The following DFFB variants were observed in gnomAD, a reference collection of about 807,000 sequenced individuals.
The protein encoded by DFFB is DNA fragmentation factor 40 kDa subunit.
A neutral mutation model predicts 32.7 loss-of-function variants in DFFB; 29 were observed. The ratio of observed to expected loss-of-function variants is 0.89; its 90% confidence interval spans 0.66 to 1.21. DFFB has a LOEUF of 1.21. Ranked by LOEUF, DFFB falls within the 50% of genes most tolerant of loss-of-function variation. The probability of loss-of-function intolerance (pLI) is 0.00; values close to 1 mark genes in which losing one functional copy is unlikely to be tolerated. For missense variants in DFFB, 398 were observed against 440.6 expected (o/e 0.90, Z 0.87); for synonymous variants, 170 against 177.1 (o/e 0.96, Z 0.32).
intron 3 of DFFB, among the ~76,000 whole-genome samples, chr1:3,866,996 C>T (rs1176695354): frequency 1.3e-5 from 2 of 150,848 alleles, no homozygotes; most frequent in Admixed American, 6.6e-5. Context: ...CCCGGGTTCA[C>T]GCCATTCTCC....
At chr1:3,871,162 G>T (rs551989548) in intron 5 of DFFB, among the ~76,000 whole-genome samples, 1 of 152,246 alleles carries the variant, frequency 6.6e-6, no homozygotes, top group African/African-American at 2.4e-5. Context: ...CCCATGAGGT[G>T]GGGGTGCTGG....
rs77642227 is a variant in DFFB at position 3,860,083 on chromosome 1, T to A, written c.241+1239T>A. ...TCCTCCTTGTTAGACTTAAAAAAAA[T>A]TTTTTTTCTTTTCTTTTATGAAAAC... On this transcript the variant is annotated intron_variant, in intron 2 of 6. Coordinates refer to ENST00000378209, the MANE Select transcript of DFFB (RefSeq NM_004402.4). 4.6e-3 allele frequency among the ~76,000 whole-genome samples: 693 copies of A among 152,190 alleles called. 9 individuals are homozygous for A. The highest frequency in any genetic ancestry group is 0.016 in the African/African-American group (653 of 41,524).
chr1:3,868,642 A>AC (rs1557716115), intron 4 of DFFB, among the ~76,000 whole-genome samples: 10 of 151,664 alleles, frequency 6.6e-5, no homozygotes, highest in South Asian at 2.1e-4. Flanking sequence ...ACACCACACC[A>AC]AGCCACACCA....
chr1:3,870,337 C>G (rs376860272), intron 5 of DFFB, among the ~76,000 whole-genome samples: 1 of 152,222 alleles, frequency 6.6e-6, no homozygotes, highest in South Asian at 2.1e-4. Context: ...CACTGATGCC[C>G]GTGATCTTCC....
rs184942256 is a variant in DFFB, at chr1:3,879,330, C to T, written c.783-4177C>T. On this transcript the variant is annotated intron_variant, in intron 6 of 6. Transcript: ENST00000378209. ...GTGTTGGACCTTCTCATTCTGCTCT[C>T]CTCATGCTGTGCCTGCGTCTGGGCT... 2.0e-5 allele frequency among the ~76,000 whole-genome samples: 3 copies of T among 152,336 alleles called. No individual in the cohort carries two copies. In the East Asian group the frequency reaches 5.8e-4, roughly 29 times the overall value.
chr1:3,878,761 C>A (rs749719451), intron 6 of DFFB, among the ~76,000 whole-genome samples: 2 of 152,184 alleles, frequency 1.3e-5, no homozygotes, highest in Non-Finnish European at 2.9e-5. Flanking sequence ...TTATTTTAAT[C>A]CTGCACAAAA....
Position 3,865,832 on chromosome 1 carries a change from T to C in DFFB, c.262T>C (p.Phe88Leu). Residue 88 changes from phenylalanine to leucine, a missense_variant, in exon 3 of 7, where the codon TTC becomes CTC. Phe to Leu is a conservative substitution (Grantham distance 22). Transcript: ENST00000378209. This position sits in a 1 kb window ranked among gnomAD's most constrained non-coding sequence, Gnocchi z 4.7. ...GGCAGATGTGAGCGACATCAGGCGC[T>C]TCCTCAGTGCATTTCACGAGCCACA... is the stretch of plus-strand genomic sequence containing the variant. ...WQGYVSDIRR[F>L]LSAFHEPQVG... is the part of the protein sequence containing the mutation. The C allele has an allele frequency of 1.2e-6, 2 of 1,614,156 alleles. No homozygotes were observed. The highest frequency in any genetic ancestry group is 1.7e-6 in the Non-Finnish European group (2 of 1,180,032).
chr1:3,880,940 G>A (rs971756434), intron 6 of DFFB, among the ~76,000 whole-genome samples: 2 of 152,166 alleles, frequency 1.3e-5, no homozygotes, highest in Admixed American at 6.5e-5. Flanking sequence ...CTTGTTGGTC[G>A]TGTACTTTGG....
chr1:3,864,203 G>T (rs1372247666), intron 2 of DFFB, among the ~76,000 whole-genome samples: 2 of 152,148 alleles, frequency 1.3e-5, no homozygotes, highest in African/African-American at 4.8e-5. Context: ...CTGACCTTGT[G>T]ATCTGCCTGC....
At position 3,882,517 on chromosome 1, in the gene DFFB, A is replaced by C. The variant is rs1450990997; in HGVS notation, c.783-990A>C. 4.9e-4 allele frequency among the ~76,000 whole-genome samples: 74 copies of C among 151,742 alleles called. 1 individual carries two copies. ...GCAGCTGGGATTACAGGCATGCATCACCATGCCCAGCTAATTTTTGTATTT... is the reference window on the plus strand; with the variant it reads ...GCAGCTGGGATTACAGGCATGCATCCCCATGCCCAGCTAATTTTTGTATTT... On this transcript the variant is annotated intron_variant, in intron 6 of 6. Transcript: ENST00000378209.
intron 5 of DFFB, among the ~76,000 whole-genome samples, chr1:3,870,855 G>A (rs574259069): frequency 1.5e-4 from 23 of 152,242 alleles, no homozygotes; most frequent in Middle Eastern, 3.4e-3. Context: ...TGGGGAGGCT[G>A]TGAGTCCCCA....
intron 6 of DFFB, among the ~76,000 whole-genome samples, chr1:3,874,344 G>C (rs1390791719): frequency 3.4e-5 from 2 of 58,694 alleles, no homozygotes; most frequent in Non-Finnish European, 7.0e-5. Flanking sequence ...CCCACGCTGT[G>C]GTCTGCAGAG....
At position 3,874,925 on chromosome 1, in the gene DFFB, C is replaced by T. The variant is rs374895566; in HGVS notation, c.782+2353C>T. 1.8e-3 allele frequency among the ~76,000 whole-genome samples: 269 copies of T among 150,778 alleles called. 2 individuals carry two copies. The highest frequency in any genetic ancestry group is 0.01 in the Middle Eastern group (3 of 288). Reference sequence around the variant, plus strand: ...GCCGTGTAGCTGCACCTTTACCACACGTGTGTGGGTTTAACGTGTACATAC... The same window carrying T: ...GCCGTGTAGCTGCACCTTTACCACATGTGTGTGGGTTTAACGTGTACATAC... On this transcript the variant is annotated intron_variant, in intron 6 of 6. Coordinates refer to ENST00000378209, the MANE Select transcript of DFFB (RefSeq NM_004402.4).
chr1:3,877,710 G>A (rs1038036812), intron 6 of DFFB, among the ~76,000 whole-genome samples: 1 of 152,066 alleles, frequency 6.6e-6, no homozygotes, highest in Admixed American at 6.6e-5. Flanking sequence ...TTTAGTTTCC[G>A]AGCATGTTTT....
At chr1:3,872,420 A>T in intron 5 of DFFB, 52 bp from the exon 6 acceptor site, 1 of 1,442,920 alleles carries the variant, frequency 6.9e-7, no homozygotes, top group Non-Finnish European at 9.6e-7. Context: ...TCAAGAAAAA[A>T]AAAAAAAGAG....
intron 4 of DFFB, 91 bp downstream of exon 4, chr1:3,868,144 T>C (rs1391542732): frequency 1.7e-6 from 2 of 1,147,938 alleles, no homozygotes; most frequent in East Asian, 2.3e-5. Context: ...CGATGGGTAG[T>C]TGGTAGGACC....
At chr1:3,880,098 T>C (rs1034375707) in intron 6 of DFFB, among the ~76,000 whole-genome samples, 2 of 152,008 alleles carry the variant, frequency 1.3e-5, no homozygotes, top group Non-Finnish European at 2.9e-5. Context: ...TAGGATGGGG[T>C]CTTTGGTTCA....
At chr1:3,882,931 G>A (rs2124773516) in intron 6 of DFFB, among the ~76,000 whole-genome samples, 1 of 151,734 alleles carries the variant, frequency 6.6e-6, no homozygotes, top group South Asian at 2.1e-4. Flanking sequence ...GTGGGTGACT[G>A]TAAGTGATGG....
At position 3,883,725 on chromosome 1, in the gene DFFB, T is replaced by C. The variant is rs1286835852; in HGVS notation, c.1001T>C (p.Val334Ala). ...PQTRLKRKQPVRKRQ is the reference protein window; with the variant it reads ...PQTRLKRKQPARKRQ ...ACAAGGTTGAAGCGGAAGCAGCCTG[T>C]GCGGAAACGCCAGTGACACGTACAC... The change falls in exon 7 of 7, where the codon GTG becomes GCG. Residue 334 changes from valine to alanine, a missense_variant. Coordinates refer to ENST00000378209, the MANE Select transcript of DFFB (RefSeq NM_004402.4). 1.2e-6 allele frequency: 2 copies of C among 1,614,140 alleles called. No individual in the cohort carries two copies. The highest frequency in any genetic ancestry group is 8.5e-7 in the Non-Finnish European group (1 of 1,180,028).
Sources: gnomAD v4.1 joint callset for allele counts (sites outside exome capture counted in the v4.1 genomes callset) on GRCh38, gnomAD v4.1.1 for gene constraint, Gnocchi (gnomAD v3.1) non-coding constraint, MANE v1.5 for transcripts, NCBI Gene and HGNC (gene_info 2026-07-23, HGNC 2026-07-21) for gene names.